The following ARHGAP24 variants were observed in gnomAD, a reference collection of about 807,000 sequenced individuals.
ARHGAP24 encodes rho GTPase-activating protein 24.
A neutral mutation model predicts 76.4 loss-of-function variants in ARHGAP24; 50 were observed. The ratio of observed to expected loss-of-function variants is 0.65; its 90% CI spans 0.52 to 0.83. ARHGAP24 has a LOEUF of 0.83. ARHGAP24 is among the 40% of genes least tolerant of loss of function. ARHGAP24 has a pLI of 0.00. For synonymous variants in ARHGAP24, 345 were observed against 323.3 expected, an observed-to-expected ratio of 1.07 and a Z score of -0.72; for missense variants, 930 against 914.2, an observed-to-expected ratio of 1.02 and a Z score of -0.22.
At chr4:85,599,443 C>G (rs1719960601) in intron 2 of ARHGAP24, among the ~76,000 whole-genome samples, 2 of 152,050 alleles carry the variant, frequency 1.3e-5, no homozygotes, top group Non-Finnish European at 2.9e-5. Flanking sequence ...GGAAAATCAT[C>G]CTTCTACATA....
chr4:85,491,721 CTGTCAACCAAG>C (rs1283616781), intron 1 of ARHGAP24, among the ~76,000 whole-genome samples: 1 of 152,174 alleles, frequency 6.6e-6, no homozygotes, highest in East Asian at 1.9e-4. Flanking sequence ...GGCCAGAGTA[CTGTCAACCAAG>C]TGTCTTGTGA....
At chr4:85,997,315 A>AGAT (rs1263532116) in intron 9 of ARHGAP24, among the ~76,000 whole-genome samples, 1 of 145,180 alleles carries the variant, frequency 6.9e-6, no homozygotes, top group Non-Finnish European at 1.5e-5. Context: ...GATGATAGAT[A>AGAT]GATAGATAGA....
intron 3 of ARHGAP24, chr4:85,828,014 T>C: frequency 7.9e-7 from 1 of 1,265,466 alleles, no homozygotes. Context: ...TGGAGACAAA[T>C]TGCCAGGTAT....
chr4:85,642,947 C>A (rs1398866606), intron 2 of ARHGAP24, among the ~76,000 whole-genome samples: 1 of 152,252 alleles, frequency 6.6e-6, no homozygotes, highest in African/African-American at 2.4e-5. Flanking sequence ...CTGACTGTGG[C>A]TCCTGTGTCT....
At chr4:85,577,812 G>A (rs1727442140) in intron 2 of ARHGAP24, among the ~76,000 whole-genome samples, 1 of 152,190 alleles carries the variant, frequency 6.6e-6, no homozygotes, top group Admixed American at 6.5e-5. Flanking sequence ...ATGAAGGATG[G>A]TATCCGTAGC....
chr4:85,743,932 A>T (rs915522392), intron 3 of ARHGAP24, among the ~76,000 whole-genome samples: 2 of 152,250 alleles, frequency 1.3e-5, no homozygotes, highest in African/African-American at 4.8e-5. Flanking sequence ...CTAATTGATT[A>T]TTTAATTCCT....
intron 1 of ARHGAP24, among the ~76,000 whole-genome samples, chr4:85,552,330 T>A (rs1726172765): frequency 1.3e-5 from 2 of 152,112 alleles, no homozygotes; most frequent in Non-Finnish European, 2.9e-5. Flanking sequence ...AATTATATGG[T>A]TTTGAGTGAT....
rs574497444 is a variant in ARHGAP24 at position 85,715,204 on chromosome 4, G to C, written c.181-6681G>C. Among the ~76,000 whole-genome samples, 5 of 152,122 alleles carry C rather than the reference G, an allele frequency of 3.3e-5. No individual in the cohort carries two copies. In the South Asian group the frequency reaches 1.0e-3, roughly 32 times the overall value. On this transcript the variant is annotated intron_variant, in intron 2 of 9. Transcript: ENST00000395184. ...TAGATTGCTAATTAGAGGTTTACTT[G>C]TTTTACTAACTATTCTAGCCTTGCA...
At chr4:85,655,792 T>TATATATATATAGAGAGAG (rs1553920518) in intron 2 of ARHGAP24, among the ~76,000 whole-genome samples, 1 of 37,702 alleles carries the variant, frequency 2.7e-5, no homozygotes, top group African/African-American at 1.6e-4. Context: ...TATATATATA[T>TATATATATATAGAGAGAG]AGAGAGAGAG....
intron 3 of ARHGAP24, among the ~76,000 whole-genome samples, chr4:85,912,314 G>GA (rs1432280092): frequency 6.6e-6 from 1 of 152,060 alleles, no homozygotes. Context: ...AGGCCCATAA[G>GA]AAAAATTTCA....
At chr4:85,893,809 T>G (rs1484297359) in intron 3 of ARHGAP24, among the ~76,000 whole-genome samples, 9 of 151,300 alleles carry the variant, frequency 5.9e-5, no homozygotes, top group Non-Finnish European at 1.3e-4. Flanking sequence ...GGGACATGGA[T>G]GAAATTGGAA....
At chr4:85,931,504 C>T (rs1346832191) in intron 4 of ARHGAP24, among the ~76,000 whole-genome samples, 1 of 152,104 alleles carries the variant, frequency 6.6e-6, no homozygotes, top group Non-Finnish European at 1.5e-5. Context: ...ATTTGATAAT[C>T]GAATTATTCG....
intron 3 of ARHGAP24, among the ~76,000 whole-genome samples, chr4:85,894,225 A>G (rs1206316282): frequency 6.6e-6 from 1 of 152,094 alleles, no homozygotes; most frequent in Non-Finnish European, 1.5e-5. Flanking sequence ...ATGGCAAAAG[A>G]GAGAAGAGAG....
intron 3 of ARHGAP24, among the ~76,000 whole-genome samples, chr4:85,920,604 T>G (rs1164645281): frequency 6.6e-6 from 1 of 152,128 alleles, no homozygotes; most frequent in Admixed American, 6.5e-5. Context: ...GCCTACAGAA[T>G]GGGAGAAAAT....
chr4:85,782,714 T>G (rs1179612024), intron 3 of ARHGAP24, among the ~76,000 whole-genome samples: 2 of 152,186 alleles, frequency 1.3e-5, no homozygotes, highest in Non-Finnish European at 2.9e-5. Context: ...TCATTTTCAA[T>G]TACAATCTCC....
chr4:85,674,675 A>G (rs1198046797), intron 2 of ARHGAP24, among the ~76,000 whole-genome samples: 1 of 152,202 alleles, frequency 6.6e-6, no homozygotes, highest in Non-Finnish European at 1.5e-5. Flanking sequence ...GTGAAAATCA[A>G]TGAGTTAATG....
chr4:85,911,038 A>C (rs1172958021), intron 3 of ARHGAP24, among the ~76,000 whole-genome samples: 2 of 152,168 alleles, frequency 1.3e-5, no homozygotes, highest in Non-Finnish European at 2.9e-5. Context: ...GGCATTTCCG[A>C]GCCTGTGAGG....
chr4:85,959,232 G>A (rs1232446429), intron 5 of ARHGAP24, among the ~76,000 whole-genome samples: 1 of 152,194 alleles, frequency 6.6e-6, no homozygotes, highest in Non-Finnish European at 1.5e-5. Context: ...CATGGCATCT[G>A]TAAACTGTCA....
chr4:85,966,072 T>C (rs1224925875), intron 5 of ARHGAP24, among the ~76,000 whole-genome samples: 1 of 152,162 alleles, frequency 6.6e-6, no homozygotes, highest in Admixed American at 6.6e-5. Context: ...GGTTGTGCTC[T>C]GGTGAAGGCT....
Sources: gnomAD v4.1 joint callset for allele counts (sites outside exome capture counted in the v4.1 genomes callset) on GRCh38, gnomAD v4.1.1 for gene constraint, MANE v1.5 for transcripts, NCBI Gene and HGNC (gene_info 2026-07-23, HGNC 2026-07-21) for gene names.